Variants in ACER3 observed in about 807,000 individuals in gnomAD.
The protein encoded by ACER3 is alkCDase 3.
A neutral mutation model predicts 48.9 loss-of-function variants in ACER3; 16 were observed. The ratio of observed to expected loss-of-function variants is 0.33; its 90% CI spans 0.22 to 0.50. The LOEUF (loss-of-function observed/expected upper bound fraction) is 0.50. ACER3 is among the 20% of genes least tolerant of loss of function. The pLI, the probability that ACER3 is intolerant of heterozygous loss-of-function variation, is 0.98. For missense variants in ACER3, 227 were observed against 326.0 expected, an observed-to-expected ratio of 0.70 and a Z score of 2.34; for synonymous variants, 109 against 107.8, an observed-to-expected ratio of 1.01 and a Z score of -0.07.
chr11:76,917,174 C>T (rs1429378796), intron 1 of ACER3, among the ~76,000 whole-genome samples: 1 of 152,076 alleles, frequency 6.6e-6, no homozygotes, highest in Non-Finnish European at 1.5e-5. Flanking sequence ...ACAAAAGGCC[C>T]CGACTTCTGG....
chr11:77,008,429 A>G (rs1053512613), intron 7 of ACER3, among the ~76,000 whole-genome samples: 4 of 152,224 alleles, frequency 2.6e-5, no homozygotes, highest in African/African-American at 9.6e-5. Context: ...TGGCAATCCT[A>G]TGAAATAAAA....
intron 1 of ACER3, among the ~76,000 whole-genome samples, chr11:76,882,898 G>C (rs1945564089): frequency 6.6e-6 from 1 of 152,120 alleles, no homozygotes. Flanking sequence ...TGTGGTTCAT[G>C]GTTCAATCAG....
At chr11:76,990,482 T>C (rs1161309210) in intron 5 of ACER3, 57 bp from the exon 6 acceptor site, 2 of 1,212,118 alleles carry the variant, frequency 1.7e-6, no homozygotes, top group African/African-American at 1.5e-5. Context: ...TTGGAGTCGG[T>C]TTTTCCCCCC....
At chr11:76,926,775 A>G (rs1187183870) in intron 2 of ACER3, 108 bp downstream of exon 2, 3 of 675,440 alleles carry the variant, frequency 4.4e-6, no homozygotes, top group Non-Finnish European at 7.3e-6. Flanking sequence ...TAACTTGAAT[A>G]TATTCTGAAA....
intron 6 of ACER3, among the ~76,000 whole-genome samples, chr11:76,996,082 A>G (rs996583272): frequency 6.6e-6 from 1 of 152,010 alleles, no homozygotes; most frequent in Non-Finnish European, 1.5e-5. Context: ...CCAATAATTA[A>G]TTTTGCCATG....
chr11:76,867,052 G>A (rs1247736113), intron 1 of ACER3, among the ~76,000 whole-genome samples: 1 of 152,178 alleles, frequency 6.6e-6, no homozygotes, highest in African/African-American at 2.4e-5. Context: ...TGGGTGTTCA[G>A]AAAAGAATTA....
chr11:76,877,961 A>T (rs1945428875), intron 1 of ACER3, among the ~76,000 whole-genome samples: 1 of 151,820 alleles, frequency 6.6e-6, no homozygotes, highest in South Asian at 2.1e-4. Flanking sequence ...TGTGCTTATT[A>T]GTATCATTCA....
intron 8 of ACER3, among the ~76,000 whole-genome samples, chr11:77,016,186 A>G (rs982455950): frequency 4.6e-5 from 7 of 152,046 alleles, no homozygotes; most frequent in Non-Finnish European, 7.4e-5. Context: ...AGCCTTAGAT[A>G]TATCCAACCA....
chr11:77,007,619 A>T (rs1949181173), intron 7 of ACER3, among the ~76,000 whole-genome samples: 2 of 152,230 alleles, frequency 1.3e-5, no homozygotes, highest in Non-Finnish European at 2.9e-5. Context: ...ACTCTGCAGT[A>T]GGTCTCTGAC....
chr11:76,996,768 C>T (rs553896503), intron 6 of ACER3, among the ~76,000 whole-genome samples: 2 of 148,130 alleles, frequency 1.4e-5, no homozygotes, highest in African/African-American at 5.0e-5. Context: ...CTCTGTCGCC[C>T]AGGCTAGAGT....
intron 2 of ACER3, among the ~76,000 whole-genome samples, chr11:76,949,893 G>C (rs1024736426): frequency 6.6e-6 from 1 of 152,054 alleles, no homozygotes; most frequent in South Asian, 2.1e-4. Flanking sequence ...GCCTTGCTAG[G>C]TTCGTCTTCC....
chr11:77,005,443 T>C (rs1949115357), intron 7 of ACER3, among the ~76,000 whole-genome samples: 2 of 152,182 alleles, frequency 1.3e-5, no homozygotes, highest in Admixed American at 1.3e-4. Flanking sequence ...TTCATGGGTC[T>C]GTATTCGATT....
chr11:76,975,489 T>G (rs1948417633), intron 3 of ACER3, among the ~76,000 whole-genome samples: 1 of 152,158 alleles, frequency 6.6e-6, no homozygotes, highest in African/African-American at 2.4e-5. Flanking sequence ...TTTACTTAGA[T>G]TAATAAAATT....
chr11:76,934,389 C>T (rs560218848), intron 2 of ACER3, among the ~76,000 whole-genome samples: 222 of 152,334 alleles, frequency 1.5e-3, no homozygotes, highest in Admixed American at 3.1e-3. Flanking sequence ...GCACTCCAGC[C>T]TGGGCACCAT....
chr11:76,911,680 C>A (rs1192405048), intron 1 of ACER3, among the ~76,000 whole-genome samples: 1 of 152,202 alleles, frequency 6.6e-6, no homozygotes, highest in Non-Finnish European at 1.5e-5. Context: ...CCTTTTTCTT[C>A]TTCCTCTATA....
intron 1 of ACER3, among the ~76,000 whole-genome samples, chr11:76,896,301 C>G (rs72941902): frequency 6.6e-6 from 1 of 152,068 alleles, no homozygotes; most frequent in Admixed American, 6.5e-5. Flanking sequence ...AGAGTTGCAT[C>G]AGAACCTTTC....
intron 6 of ACER3, among the ~76,000 whole-genome samples, chr11:76,996,991 G>C: frequency 6.6e-6 from 1 of 152,272 alleles, no homozygotes; most frequent in African/African-American, 2.4e-5. Flanking sequence ...CTCCCAAAGT[G>C]CTGGGATTAC....
rs140674762 is a variant in ACER3, at chr11:76,987,963, C to T, written c.402+2239C>T. ...TCAAAACAAACAAAGACTAAAAGTA[C>T]AACCTAATGAAATACTTACATTTGA... On this transcript the variant is annotated intron_variant, in intron 5 of 10. Coordinates refer to ENST00000532485, the MANE Select transcript of ACER3 (RefSeq NM_018367.7). Among the ~76,000 whole-genome samples, 149 of 152,194 alleles carry T rather than the reference C, an allele frequency of 9.8e-4. 2 individuals carry two copies. The East Asian group carries it at 0.028, about 29-fold the overall frequency.
At chr11:77,009,645 C>CA (rs1257840518) in intron 7 of ACER3, among the ~76,000 whole-genome samples, 3 of 151,770 alleles carry the variant, frequency 2.0e-5, no homozygotes, top group Non-Finnish European at 4.4e-5. Context: ...CCCACTTCTA[C>CA]AAAAAAAATT....
Sources: gnomAD v4.1 joint callset for allele counts (sites outside exome capture counted in the v4.1 genomes callset) on GRCh38, gnomAD v4.1.1 for gene constraint, MANE v1.5 for transcripts, NCBI Gene and HGNC (gene_info 2026-07-23, HGNC 2026-07-21) for gene names.